ANKRD55: variants seen among roughly 807,000 people sequenced by gnomAD.
The protein encoded by ANKRD55 is ankyrin repeat domain 55.
A neutral mutation model predicts 60.6 loss-of-function variants in ANKRD55; 41 were observed. That is an observed-to-expected ratio of 0.68 (90% CI 0.53 to 0.88). The LOEUF (loss-of-function observed/expected upper bound fraction) is 0.88. Ranked by LOEUF, ANKRD55 falls within the 40% of genes least tolerant of loss-of-function variation. The pLI is 0.00. For missense variants in ANKRD55, 732 were observed against 767.6 expected, an observed-to-expected ratio of 0.95 and a Z score of 0.55; for synonymous variants, 264 against 290.3, an observed-to-expected ratio of 0.91 and a Z score of 0.92.
chr5:56,207,110 T>TC (rs1198113781), intron 2 of ANKRD55, among the ~76,000 whole-genome samples: 24 of 151,974 alleles, frequency 1.6e-4, no homozygotes. Context: ...CTCCTCCCCT[T>TC]CCCCCCTTGG....
rs767933606 is a variant in ANKRD55, at chr5:56,179,637, G to A, written c.182-3355C>T. On this transcript the variant is annotated intron_variant, in intron 3 of 11. Coordinates refer to ENST00000341048, the MANE Select transcript of ANKRD55 (RefSeq NM_024669.3). Reference sequence around the variant, plus strand: ...ATGATCCACTTTGCCACATGGTAAAGTGTTCAAGAACTTTAAGACATCTGC... The same window carrying A: ...ATGATCCACTTTGCCACATGGTAAAATGTTCAAGAACTTTAAGACATCTGC... Among the ~76,000 whole-genome samples, 12 of 152,316 alleles carry A rather than the reference G, an allele frequency of 7.9e-5. No individual in the cohort carries two copies. In the South Asian group the frequency reaches 1.2e-3, roughly 16 times the overall value.
intron 2 of ANKRD55, among the ~76,000 whole-genome samples, chr5:56,215,856 T>C (rs12654754): frequency 0.098 from 14,775 of 151,480 alleles, 1,304 homozygotes; most frequent in African/African-American, 0.24. Flanking sequence ...GATAGCTCTT[T>C]TTTTAATTAG....
rs760126113 is a variant in ANKRD55, at chr5:56,143,790, C to A, written c.612+11G>T. 1.2e-6 allele frequency: 2 copies of A among 1,614,120 alleles called. No homozygotes were observed. Among genetic ancestry groups the A allele is most frequent in the East Asian group, 2.2e-5 (1 of 44,886 alleles). On this transcript the variant is annotated intron_variant, in intron 7 of 11. Transcript: ENST00000341048. ...TTAAACCTGAGACCAGTCCACAGGT[C>A]AATTTCTCACCTGGACTGCCCAGTG... is the stretch of plus-strand genomic sequence containing the variant.
Position 56,116,004 on chromosome 5 carries a change from AC to A in ANKRD55, c.965+610del, listed in dbSNP as rs370050827. On this transcript the variant is annotated intron_variant, in intron 9 of 11. Transcript: ENST00000341048. ...CAAGTAGCTGAGATTACAGGCACCC[AC>A]CACCATGCCTGGCTAATTTTTGTAT... 6.0e-3 allele frequency among the ~76,000 whole-genome samples: 919 copies of A among 151,920 alleles called. 11 individuals carry two copies. The highest frequency in any genetic ancestry group is 0.021 in the African/African-American group (871 of 41,386).
chr5:56,170,693 C>G lies in ANKRD55; in HGVS notation c.422+1G>C. The G allele has an allele frequency of 6.2e-7, 1 of 1,613,704 alleles. No individual in the cohort carries two copies. The highest frequency in any genetic ancestry group is 1.1e-5 in the South Asian group (1 of 91,078). ...AGCATCATGTAAACCTGGCCACTTA[C>G]CTCATATCGGGCTCAGCAGTGGCAG... is the stretch of plus-strand genomic sequence containing the variant. On this transcript the variant is annotated splice_donor_variant, in intron 5 of 11. Coordinates refer to ENST00000341048, the MANE Select transcript of ANKRD55 (RefSeq NM_024669.3). LOFTEE classifies it high-confidence loss of function.
At chr5:56,106,420 C>CTTTTTTATTTTTTTTTTTTTTT (rs1756473632) in intron 10 of ANKRD55, among the ~76,000 whole-genome samples, 1 of 96,940 alleles carries the variant, frequency 1.0e-5, no homozygotes, top group African/African-American at 5.8e-5. Context: ...GCTAGGAAAG[C>CTTTTTTATTTTTTTTTTTTTTT]TTTTTTTTTT....
chr5:56,186,081 G>A (rs1758966287), intron 2 of ANKRD55, among the ~76,000 whole-genome samples: 1 of 152,232 alleles, frequency 6.6e-6, no homozygotes, highest in Non-Finnish European at 1.5e-5. Flanking sequence ...GGACTATGGA[G>A]GCAGACAACC....
intron 9 of ANKRD55, among the ~76,000 whole-genome samples, chr5:56,113,722 G>A (rs954904512): frequency 1.4e-5 from 2 of 144,604 alleles, no homozygotes; most frequent in Non-Finnish European, 3.1e-5. Context: ...GGTGTAGGTC[G>A]AAGGGTACAA....
chr5:56,137,124 G>T, intron 7 of ANKRD55: 1 of 1,254,836 alleles, frequency 8.0e-7, no homozygotes. Context: ...GTATCTGAAA[G>T]ATGTCACTTT....
At chr5:56,114,829 A>C (rs80261423) in intron 9 of ANKRD55, among the ~76,000 whole-genome samples, 10,820 of 152,158 alleles carry the variant, frequency 0.071, 937 homozygotes, top group African/African-American at 0.2. Context: ...ATTGAGATAC[A>C]CCTGCCTTTT....
At chr5:56,166,146 C>CTTTCTTTT (rs1758463531) in intron 5 of ANKRD55, among the ~76,000 whole-genome samples, 1 of 91,356 alleles carries the variant, frequency 1.1e-5, no homozygotes, top group African/African-American at 7.4e-5. Context: ...TTCTTTCTTT[C>CTTTCTTTT]TTTCTTTCTT....
In ANKRD55 at chr5:56,116,645, G is replaced by T. The variant is rs1450257165; in HGVS notation, c.935C>A (p.Ala312Glu). 1 of 1,604,718 alleles carries T rather than the reference G, an allele frequency of 6.2e-7. No individual in the cohort carries two copies. Among genetic ancestry groups the T allele is most frequent in the Non-Finnish European group, 8.5e-7 (1 of 1,176,104 alleles). ...CTCTTGGGAGAGGAGTTTGACACAC[G>T]CCGTGTGACCGCAGTACAGGGCATA... ...LAYALYCGHTACVKLLSQESR... is the reference protein window; with the variant it reads ...LAYALYCGHTECVKLLSQESR... The change falls in exon 9 of 12, where the codon GCG becomes GAG. Residue 312 changes from alanine to glutamate, a missense_variant. Physicochemically the swap from Ala to Glu is moderately radical, Grantham distance 107. Transcript: ENST00000341048.
At chr5:56,213,875 A>T (rs1759740499) in intron 2 of ANKRD55, among the ~76,000 whole-genome samples, 1 of 152,212 alleles carries the variant, frequency 6.6e-6, no homozygotes, top group African/African-American at 2.4e-5. Context: ...TCCAAATGAA[A>T]AAGAGGTATG....
chr5:56,229,216 T>C (rs1248749611), intron 2 of ANKRD55, among the ~76,000 whole-genome samples: 2 of 151,874 alleles, frequency 1.3e-5, no homozygotes, highest in African/African-American at 4.8e-5. Context: ...TTACATAATA[T>C]GTAGACTTTA....
At chr5:56,142,785 G>T (rs1349642140) in intron 7 of ANKRD55, among the ~76,000 whole-genome samples, 1 of 152,226 alleles carries the variant, frequency 6.6e-6, no homozygotes, top group Non-Finnish European at 1.5e-5. Flanking sequence ...CAGGGCAGGT[G>T]ATTAGATACT....
chr5:56,143,169 T>C (rs1188154873), intron 7 of ANKRD55, among the ~76,000 whole-genome samples: 2 of 152,206 alleles, frequency 1.3e-5, no homozygotes, highest in African/African-American at 2.4e-5. Flanking sequence ...ATGCAAAGGA[T>C]GCTCTCCTTG....
intron 2 of ANKRD55, among the ~76,000 whole-genome samples, chr5:56,202,052 C>T (rs1470659116): frequency 6.6e-6 from 1 of 152,108 alleles, no homozygotes; most frequent in African/African-American, 2.4e-5. Context: ...GAACAGAAAA[C>T]CAAACACCAC....
At chr5:56,135,367 C>CTTT (rs1491368101) in intron 7 of ANKRD55, among the ~76,000 whole-genome samples, 25 of 88,226 alleles carry the variant, frequency 2.8e-4, no homozygotes, top group South Asian at 1.1e-3. Context: ...TTCTTTCTTT[C>CTTT]CTTCTTTCTT....
intron 2 of ANKRD55, among the ~76,000 whole-genome samples, chr5:56,231,082 G>T (rs571495380): frequency 2.6e-4 from 40 of 152,282 alleles, no homozygotes; most frequent in African/African-American, 8.2e-4. Context: ...ACTTGCCAAG[G>T]TCACACAGCT....
Sources: gnomAD v4.1 joint callset for allele counts (sites outside exome capture counted in the v4.1 genomes callset) on GRCh38, gnomAD v4.1.1 for gene constraint, MANE v1.5 for transcripts, NCBI Gene and HGNC (gene_info 2026-07-23, HGNC 2026-07-21) for gene names.